Variants in EHHADH observed in about 807,000 individuals in gnomAD.
EHHADH encodes peroxisomal bifunctional enzyme.
In EHHADH, 48 loss-of-function variants were observed where a neutral mutation model predicts 64.4. The observed-to-expected ratio is 0.75, with a 90% confidence interval of 0.59 to 0.95. EHHADH has a LOEUF of 0.95. Among genes scored for constraint, EHHADH ranks in the 40% least tolerant of loss-of-function variants. EHHADH has a pLI of 0.00. For missense variants in EHHADH, 854 were observed against 876.6 expected (o/e 0.97, Z 0.33); for synonymous variants, 308 against 326.7 (o/e 0.94, Z 0.62).
At position 185,192,865 on chromosome 3, in the gene EHHADH, C is replaced by T; in HGVS notation, c.1533G>A (p.Glu511=). 2 of 1,614,178 alleles carry T rather than the reference C, an allele frequency of 1.2e-6. No homozygotes were observed. Among genetic ancestry groups the T allele is most frequent in the Non-Finnish European group, 1.7e-6 (2 of 1,180,032 alleles). ...TAAAAGGTCCCATTTTAAAACCAAA[C>T]TCTTCCAGCACCTGATCTACCTCCT... ...KPEEVDQVLE[E]FGFKMGPFRV... The change falls in exon 7 of 7, where the codon GAG becomes GAA. Residue 511 remains glutamate, a synonymous_variant. Coordinates refer to ENST00000231887, the MANE Select transcript of EHHADH (RefSeq NM_001966.4).
chr3:185,225,258 TC>T lies in EHHADH; in HGVS notation c.463+4173del, dbSNP rs199910200. Reference sequence around the variant, plus strand: ...TCCCAAATGAAGCTCTTGTGATACTTCCATAAAACCTGCTCTATCAGCAGAA... The same window carrying T: ...TCCCAAATGAAGCTCTTGTGATACTTCATAAAACCTGCTCTATCAGCAGAA... On this transcript the variant is annotated intron_variant, in intron 4 of 6. Transcript: ENST00000231887. Among the ~76,000 whole-genome samples the T allele has an allele frequency of 3.1e-4, 47 of 152,236 alleles. No homozygotes were observed. The East Asian group carries it at 7.5e-3, about 24-fold the overall frequency.
chr3:185,199,968 C>G (rs1440545889), intron 6 of EHHADH, among the ~76,000 whole-genome samples: 1 of 152,122 alleles, frequency 6.6e-6, no homozygotes, highest in African/African-American at 2.4e-5. Context: ...GACTGTATGG[C>G]CCACAAAGCT....
At chr3:185,251,183 A>T (rs1405612219) in intron 1 of EHHADH, among the ~76,000 whole-genome samples, 1 of 151,266 alleles carries the variant, frequency 6.6e-6, no homozygotes, top group Non-Finnish European at 1.5e-5. Context: ...AAAACTCTTC[A>T]GCTTCTTTGA....
chr3:185,241,969 T>G (rs1210501488), intron 2 of EHHADH, among the ~76,000 whole-genome samples: 1 of 152,194 alleles, frequency 6.6e-6, no homozygotes, highest in Non-Finnish European at 1.5e-5. Context: ...TGAGTTATTT[T>G]TGTATAAAGT....
rs76145709 is a variant in EHHADH at position 185,198,836 on chromosome 3, C to A, written c.911-5349G>T. Among the ~76,000 whole-genome samples, 393 of 149,264 alleles carry A rather than the reference C, an allele frequency of 2.6e-3. 2 individuals carry two copies. Among genetic ancestry groups the A allele is most frequent in the African/African-American group, 9.4e-3 (375 of 39,870 alleles). ...CTGCACTCCAGCCTGGGCAACACAGCAAGACCCTGTCTTCAAAAAAAAAAA... is the reference window on the plus strand; with the variant it reads ...CTGCACTCCAGCCTGGGCAACACAGAAAGACCCTGTCTTCAAAAAAAAAAA... On this transcript the variant is annotated intron_variant, in intron 6 of 6. Transcript: ENST00000231887.
At chr3:185,198,527 G>A (rs1718134511) in intron 6 of EHHADH, among the ~76,000 whole-genome samples, 2 of 151,910 alleles carry the variant, frequency 1.3e-5, no homozygotes, top group South Asian at 4.2e-4. Flanking sequence ...AGCCGCAGCT[G>A]TACCATTTTA....
In EHHADH at chr3:185,191,638, T is replaced by C. The variant is rs1717871209; in HGVS notation, c.*588A>G. ...GGTTAGATGTTCTCTAAGACCCTTCTTACACTAAGTTAACGACTTACTACT... is the reference window on the plus strand; with the variant it reads ...GGTTAGATGTTCTCTAAGACCCTTCCTACACTAAGTTAACGACTTACTACT... On this transcript the variant is annotated 3_prime_UTR_variant, in exon 7 of 7. Transcript: ENST00000231887. The C allele has an allele frequency of 6.5e-6, 1 of 152,812 alleles. No individual in the cohort carries two copies. The highest frequency in any genetic ancestry group is 2.1e-4 in the South Asian group (1 of 4,848). 9.5% of individuals were successfully genotyped at this position (152,812 alleles called of 1,614,324 possible). A position where few individuals can be genotyped will look rare whatever the true frequency, so the allele number is the denominator to read the frequency against.
chr3:185,229,354 G>T, intron 4 of EHHADH, 78 bp downstream of exon 4: 1 of 908,438 alleles, frequency 1.1e-6, no homozygotes, highest in Non-Finnish European at 1.5e-6. Flanking sequence ...GGAGTAGGTG[G>T]TCAAGCCAGA....
intron 4 of EHHADH, among the ~76,000 whole-genome samples, chr3:185,224,266 G>A (rs1415076240): frequency 2.6e-5 from 4 of 151,948 alleles, no homozygotes; most frequent in Admixed American, 2.0e-4. Context: ...TTGGGAGGCC[G>A]AGGCGGGTGG....
intron 1 of EHHADH, chr3:185,253,282 A>C (rs1470166040): frequency 1.3e-5 from 2 of 150,036 alleles, no homozygotes; most frequent in South Asian, 2.1e-4. Context: ...TGATTGCCCT[A>C]TTCCTAAAGC....
chr3:185,226,282 C>T lies in EHHADH; in HGVS notation c.463+3150G>A, dbSNP rs565631188. 6.6e-4 allele frequency among the ~76,000 whole-genome samples: 100 copies of T among 152,300 alleles called. No homozygotes were observed. In the South Asian group the frequency reaches 0.02, roughly 31 times the overall value. Reference sequence around the variant, plus strand: ...TCAGGAAGCTCTATGGAGAGGTCCCCGTACATAGGAAAGGAAGCCTCCTGC... The same window carrying T: ...TCAGGAAGCTCTATGGAGAGGTCCCTGTACATAGGAAAGGAAGCCTCCTGC... On this transcript the variant is annotated intron_variant, in intron 4 of 6. Transcript: ENST00000231887.
In EHHADH at chr3:185,242,302, A is replaced by C. The variant is rs1487473891; in HGVS notation, c.178+6112T>G. The stretch of plus-strand genomic sequence containing the variant: ...AAAATACCACCATTATTCTTCACAG[A>C]ATTAGAAAAAGAATTCTAAAATTCA... On this transcript the variant is annotated intron_variant, in intron 2 of 6. Coordinates refer to ENST00000231887, the MANE Select transcript of EHHADH (RefSeq NM_001966.4). Among the ~76,000 whole-genome samples, 7 of 152,308 alleles carry C rather than the reference A, an allele frequency of 4.6e-5. 1 individual carries two copies. The Middle Eastern group carries it at 0.014, about 296-fold the overall frequency.
chr3:185,235,915 T>C lies in EHHADH; in HGVS notation c.179-453A>G, dbSNP rs1719278818. Among the ~76,000 whole-genome samples, 5 of 152,158 alleles carry C rather than the reference T, an allele frequency of 3.3e-5. No individual in the cohort carries two copies. In the South Asian group the frequency reaches 1.0e-3, roughly 32 times the overall value. On this transcript the variant is annotated intron_variant, in intron 2 of 6. Coordinates refer to ENST00000231887, the MANE Select transcript of EHHADH (RefSeq NM_001966.4). ...TAGCTCCATATCTTTGTTAAGGGCA[T>C]GAGTCATCACAATATAAAATATCAG... is the stretch of plus-strand genomic sequence containing the variant.
In EHHADH at chr3:185,223,767, G is replaced by A. The variant is rs569666989; in HGVS notation, c.464-5527C>T. On this transcript the variant is annotated intron_variant, in intron 4 of 6. Transcript: ENST00000231887. ...TATAGAGAAACTCATCAGGGCTGGG[G>A]CCAAGCTTTATGAGAATACAGCAGA... Among the ~76,000 whole-genome samples, 8 of 152,276 alleles carry A rather than the reference G, an allele frequency of 5.3e-5. No individual in the cohort carries two copies. The South Asian group carries it at 8.3e-4, about 16-fold the overall frequency.
At chr3:185,207,636 G>A (rs923250262) in intron 5 of EHHADH, among the ~76,000 whole-genome samples, 5 of 152,122 alleles carry the variant, frequency 3.3e-5, no homozygotes, top group Admixed American at 2.6e-4. Context: ...ACCCAAATAA[G>A]CAGGAAACAG....
At chr3:185,217,834 G>A (rs529259945) in intron 5 of EHHADH, among the ~76,000 whole-genome samples, 36 of 149,802 alleles carry the variant, frequency 2.4e-4, no homozygotes, top group African/African-American at 8.6e-4. Context: ...GCGCGATCTC[G>A]GCTCACTGCA....
At chr3:185,218,097 G>C (rs774155460) in intron 5 of EHHADH, 39 bp downstream of exon 5, 1 of 1,458,996 alleles carries the variant, frequency 6.9e-7, no homozygotes, top group African/African-American at 1.4e-5. Context: ...CATGTATCCT[G>C]TTTACAGTCT....
At chr3:185,194,886 A>G (rs6764857) in intron 6 of EHHADH, among the ~76,000 whole-genome samples, 10,230 of 150,916 alleles carry the variant, frequency 0.068, 1,165 homozygotes, top group African/African-American at 0.23. Context: ...GGATAGACAT[A>G]TAGATTAGCA....
At chr3:185,242,272 C>T (rs775046641) in intron 2 of EHHADH, among the ~76,000 whole-genome samples, 1 of 152,010 alleles carries the variant, frequency 6.6e-6, no homozygotes, top group African/African-American at 2.4e-5. Context: ...AATGCAACCC[C>T]CATCAAAATA....
Sources: gnomAD v4.1 joint callset for allele counts (sites outside exome capture counted in the v4.1 genomes callset) on GRCh38, gnomAD v4.1.1 for gene constraint, MANE v1.5 for transcripts, NCBI Gene and HGNC (gene_info 2026-07-23, HGNC 2026-07-21) for gene names.